The following ARR3 variants were observed in gnomAD, a reference collection of about 807,000 sequenced individuals.
The protein encoded by ARR3 is arrestin 3.
A neutral mutation model predicts 35.4 loss-of-function variants in ARR3; 14 were observed. The ratio of observed to expected loss-of-function variants is 0.40; its 90% CI spans 0.26 to 0.62. The LOEUF (loss-of-function observed/expected upper bound fraction) is 0.62, where lower values mean the gene tolerates loss of function less well. Among genes scored for constraint, ARR3 ranks in the 20% least tolerant of loss-of-function variants. The pLI is 0.46. For synonymous variants in ARR3, 97 were observed against 119.1 expected (o/e 0.81, Z 1.21); for missense variants, 259 against 303.8 (o/e 0.85, Z 1.10).
intron 16 of ARR3, 24 bp from the exon 17 acceptor site, chrX:70,281,652 A>G (rs757555536): frequency 1.4e-5 from 16 of 1,153,662 alleles, no homozygotes; most frequent in Non-Finnish European, 1.9e-5. Flanking sequence ...CTAACCTTCC[A>G]TTCTCTTCTG....
chrX:70,273,214 C>CTTTTTTTTTT, intron 5 of ARR3, among the ~76,000 whole-genome samples: 2 of 41,626 alleles, frequency 4.8e-5, no homozygotes, highest in Non-Finnish European at 7.9e-5. Flanking sequence ...GAAAGGATTC[C>CTTTTTTTTTT]TTTTTTTTTT....
chrX:70,280,897 G>C, intron 15 of ARR3, 79 bp downstream of exon 15: 1 of 1,145,481 alleles, frequency 8.7e-7, no homozygotes, highest in South Asian at 1.8e-5. Context: ...ATGAATTGGA[G>C]ACTAGCAGTT....
In ARR3 at chrX:70,270,112, T is replaced by C; in HGVS notation, c.113T>C (p.Leu38Pro). The change falls in exon 5 of 17, where the codon CTG becomes CCG. Residue 38 changes from leucine (L) to proline (P), a missense_variant. By Grantham distance (98) the Leu-to-Pro change is moderately conservative. Coordinates refer to ENST00000307959, the MANE Select transcript of ARR3 (RefSeq NM_004312.3). ...CTTCTCTCCACAGACGGTGTTGTCC[T>C]GGTTGATCCTGAGTACTTAAAATGT... ...DTVEPIDGVV[L>P]VDPEYLKCRK... The C allele has an allele frequency of 1.7e-6, 2 of 1,212,124 alleles. No homozygotes were observed. Among genetic ancestry groups the C allele is most frequent in the Non-Finnish European group, 2.2e-6 (2 of 895,412 alleles).
At chrX:70,280,959 G>A in intron 15 of ARR3, 140 bp from the exon 16 acceptor site, 1 of 872,401 alleles carries the variant, frequency 1.1e-6, no homozygotes, top group East Asian at 4.5e-5. Context: ...GTATTCAGGG[G>A]AAGTGTGTGT....
Position 70,281,099 on chromosome X carries a change from A to G in ARR3, c.1067A>G (p.Glu356Gly), listed in dbSNP as rs1431255412. ...CCCTCCGTCTCCATGCTTGCTACAG[A>G]GGCCGCTAGGTAATGGAATACAAGA... is the stretch of plus-strand genomic sequence containing the variant. ...LVLIHPKPSH[E>G]AASSEDIVIE... is the part of the protein sequence containing the mutation. The change falls in exon 16 of 17, where the codon GAG becomes GGG. Residue 356 changes from glutamate to glycine, a missense_variant and splice_region_variant. By Grantham distance (98) the Glu-to-Gly change is moderately conservative. Coordinates refer to ENST00000307959, the MANE Select transcript of ARR3 (RefSeq NM_004312.3). The G allele has an allele frequency of 2.5e-6, 3 of 1,206,586 alleles. No homozygotes were observed. Among genetic ancestry groups the G allele is most frequent in the Non-Finnish European group, 3.4e-6 (3 of 894,251 alleles).
chrX:70,281,216 T>C, intron 16 of ARR3, 108 bp downstream of exon 16: 2 of 989,217 alleles, frequency 2.0e-6, no homozygotes, highest in South Asian at 2.1e-5. Context: ...TTTCAATACA[T>C]GTGCAGTGGA....
At chrX:70,281,273 C>A in intron 16 of ARR3, 165 bp downstream of exon 16, 1 of 577,191 alleles carries the variant, frequency 1.7e-6, no homozygotes, top group African/African-American at 2.3e-5. Flanking sequence ...TTTCATATGC[C>A]CTCCTTTCCC....
chrX:70,280,209 T>C lies in ARR3; in HGVS notation c.920T>C (p.Met307Thr). 8.3e-7 allele frequency: 1 copy of C among 1,211,217 alleles called. No homozygotes were observed. Among genetic ancestry groups the C allele is most frequent in the Admixed American group, 2.2e-5 (1 of 46,049 alleles). The change falls in exon 13 of 17, where the codon ATG becomes ACG. Residue 307 changes from methionine (M) to threonine (T), a missense_variant. Met to Thr is a moderately conservative substitution (Grantham distance 81). Coordinates refer to ENST00000307959, the MANE Select transcript of ARR3 (RefSeq NM_004312.3). Reference protein sequence around the residue: ...LASSTIIRPGMDKELLGILVS... With the variant: ...LASSTIIRPGTDKELLGILVS... ...ACAACCTCCAGTATTAGACCGGGAA[T>C]GGACAAAGAGCTGCTGGGGATCCTG...
At chrX:70,280,635 T>G (rs2085676739) in intron 14 of ARR3, 53 bp downstream of exon 14, 2 of 1,191,628 alleles carry the variant, frequency 1.7e-6, no homozygotes, top group African/African-American at 3.5e-5. Context: ...GACAAGGGGA[T>G]AAGGAGAGCA....
chrX:70,276,995 G>A (rs1306550759), intron 8 of ARR3, among the ~76,000 whole-genome samples: 1 of 112,843 alleles, frequency 8.9e-6, no homozygotes, highest in Non-Finnish European at 1.9e-5. Context: ...CTCTGCCGTT[G>A]TAGTGCAATC....
At chrX:70,269,624 T>A in intron 2 of ARR3, 38 bp from the exon 3 acceptor site, 9 of 1,194,657 alleles carry the variant, frequency 7.5e-6, no homozygotes, top group Non-Finnish European at 1.0e-5. Flanking sequence ...GCACTTCCAA[T>A]CCCCCTCTCC....
chrX:70,277,388 G>A lies in ARR3; in HGVS notation c.474-6G>A. On this transcript the variant is annotated splice_polypyrimidine_tract_variant and splice_region_variant and intron_variant, in intron 8 of 16. Coordinates refer to ENST00000307959, the MANE Select transcript of ARR3 (RefSeq NM_004312.3). ...CGCTCTGGCTAATCTCTTGGTCTCTGCTCAGAGACTATGTGCGGCTGGTTG... is the reference window on the plus strand; with the variant it reads ...CGCTCTGGCTAATCTCTTGGTCTCTACTCAGAGACTATGTGCGGCTGGTTG... The A allele has an allele frequency of 8.3e-7, 1 of 1,209,636 alleles. No individual in the cohort carries two copies. Among genetic ancestry groups the A allele is most frequent in the Non-Finnish European group, 1.1e-6 (1 of 894,443 alleles).
chrX:70,272,318 A>G (rs1348354074), intron 5 of ARR3, among the ~76,000 whole-genome samples: 1 of 111,670 alleles, frequency 9.0e-6, no homozygotes. Flanking sequence ...GTTTGTCTCC[A>G]TTGTAGAAAA....
rs746556058 is a variant in ARR3, at chrX:70,278,098, C to G, written c.727C>G (p.Leu243Val). ...GATCACAGATGTTGTCCTGTATTCACTAGACAAGTACACCAAGACTGTGTT... is the reference window on the plus strand; with the variant it reads ...GATCACAGATGTTGTCCTGTATTCAGTAGACAAGTACACCAAGACTGTGTT... ...DQITDVVLYS[L>V]DKYTKTVFIQ... is the part of the protein sequence containing the mutation. The change falls in exon 11 of 17, where the codon CTA becomes GTA. Residue 243 changes from leucine (L) to valine (V), a missense_variant. Transcript: ENST00000307959. The G allele has an allele frequency of 2.5e-6, 3 of 1,208,168 alleles. No homozygotes were observed. The highest frequency in any genetic ancestry group is 2.3e-4 in the Middle Eastern group (1 of 4,373).
At chrX:70,278,270 C>T in intron 11 of ARR3, 132 bp downstream of exon 11, 1 of 705,096 alleles carries the variant, frequency 1.4e-6, no homozygotes, top group Non-Finnish European at 2.1e-6. Context: ...CCCAGGAGAA[C>T]TAGATGGAGG....
chrX:70,269,878 C>T lies in ARR3; in HGVS notation c.75C>T (p.Asp25=), dbSNP rs148653835. Residue 25 remains aspartate (D), a synonymous_variant, in exon 4 of 17, where the codon GAC becomes GAT. Coordinates refer to ENST00000307959, the MANE Select transcript of ARR3 (RefSeq NM_004312.3). ...SIYLGKRDFV[D]HVDTVEPIDG... ...ACCTGGGGAAACGGGACTTCGTGGA[C>T]CATGTGGACACGGTGGAACCCATTG... The T allele has an allele frequency of 1.1e-4, 138 of 1,207,256 alleles. 1 individual carries two copies. The African/African-American group carries it at 2.2e-3, about 19-fold the overall frequency.
chrX:70,274,287 C>A (rs1183296020), intron 5 of ARR3, among the ~76,000 whole-genome samples: 1 of 107,842 alleles, frequency 9.3e-6, no homozygotes, highest in Non-Finnish European at 1.9e-5. Flanking sequence ...CTGCAACCTC[C>A]GCCTCCCGAG....
intron 12 of ARR3, 94 bp downstream of exon 12, chrX:70,278,735 C>A (rs1234007979): frequency 2.0e-5 from 22 of 1,081,238 alleles, no homozygotes; most frequent in East Asian, 3.1e-5. Flanking sequence ...TTCAGTAAAG[C>A]CTACCTGTTT....
At position 70,281,003 on chromosome X, in the gene ARR3, G is replaced by C. The variant is rs921319770; in HGVS notation, c.1067-96G>C. On this transcript the variant is annotated intron_variant, in intron 15 of 16. Coordinates refer to ENST00000307959, the MANE Select transcript of ARR3 (RefSeq NM_004312.3). ...TGCTGGAGCAAAGGATTGGGAAGTT[G>C]GGGGGGGGGGAAGTAAAGATACTTC... 2.5e-4 allele frequency: 96 copies of C among 382,826 alleles called. No individual in the cohort carries two copies. The African/African-American group carries it at 7.8e-3, about 31-fold the overall frequency. The allele number at this position is 382,826 out of a possible 1,213,427, so 31.5% of individuals were successfully genotyped here.
Sources: allele counts gnomAD v4.1 joint callset (sites outside exome capture counted in the v4.1 genomes callset), GRCh38; gene constraint gnomAD v4.1.1; transcripts MANE v1.5; gene names NCBI Gene and HGNC (gene_info 2026-07-23, HGNC 2026-07-21).